PPP2R2B: variants seen among roughly 807,000 people sequenced by gnomAD.
The protein encoded by PPP2R2B is serine/threonine-protein phosphatase 2A 55 kDa regulatory subunit B beta isoform.
In PPP2R2B, 5 loss-of-function variants were observed where a neutral mutation model predicts 46.0. That is an observed-to-expected ratio of 0.11 (90% CI 0.06 to 0.23). The LOEUF (loss-of-function observed/expected upper bound fraction) is 0.23. Among genes scored for constraint, PPP2R2B ranks in the 10% least tolerant of loss-of-function variants. The pLI, the probability that PPP2R2B is intolerant of heterozygous loss-of-function variation, is 1.00. For missense variants in PPP2R2B, 367 were observed against 575.0 expected, an observed-to-expected ratio of 0.64 and a Z score of 3.70; for synonymous variants, 215 against 206.7, an observed-to-expected ratio of 1.04 and a Z score of -0.34.
chr5:147,045,995 G>T (rs531199309), intron 1 of PPP2R2B, among the ~76,000 whole-genome samples: 1 of 152,138 alleles, frequency 6.6e-6, no homozygotes, highest in South Asian at 2.1e-4. Flanking sequence ...ATAAAGCCTC[G>T]TTAGATCTTG....
At chr5:146,777,658 A>G (rs1025337102) in intron 2 of PPP2R2B, among the ~76,000 whole-genome samples, 1 of 152,198 alleles carries the variant, frequency 6.6e-6, no homozygotes, top group African/African-American at 2.4e-5. Flanking sequence ...GTAAATTAAG[A>G]AGTCTATTAT....
chr5:146,967,743 T>C (rs1245441597), intron 1 of PPP2R2B, among the ~76,000 whole-genome samples: 1 of 152,154 alleles, frequency 6.6e-6, no homozygotes, highest in Non-Finnish European at 1.5e-5. Context: ...CCAGGCATCC[T>C]GCAGCTAGCC....
At chr5:146,945,993 G>A (rs566605363) in intron 1 of PPP2R2B, among the ~76,000 whole-genome samples, 1 of 152,200 alleles carries the variant, frequency 6.6e-6, no homozygotes, top group South Asian at 2.1e-4. Context: ...TGTGACCAGA[G>A]GCTGAGTGAG....
intron 1 of PPP2R2B, among the ~76,000 whole-genome samples, chr5:146,901,613 G>A (rs555576084): frequency 6.6e-6 from 1 of 151,970 alleles, no homozygotes; most frequent in Non-Finnish European, 1.5e-5. Flanking sequence ...TTATACCTGA[G>A]GTCCTAGATG....
At chr5:146,940,995 G>A (rs955007460) in intron 1 of PPP2R2B, among the ~76,000 whole-genome samples, 11 of 152,094 alleles carry the variant, frequency 7.2e-5, no homozygotes, top group African/African-American at 2.4e-4. Context: ...TTTGTCCACC[G>A]CTGGTGCATT....
rs1774960669 is a variant in PPP2R2B at position 146,638,342 on chromosome 5, A to G, written c.699T>C (p.His233=). 6.2e-7 allele frequency: 1 copy of G among 1,613,710 alleles called. No homozygotes were observed. Among genetic ancestry groups the G allele is most frequent in the Non-Finnish European group, 8.5e-7 (1 of 1,179,668 alleles). The part of the protein sequence containing the change: ...EVITAAEFHP[H]HCNTFVYSSS... ...TGCTGTACACGAAGGTGTTGCAATG[A>G]TGGGGGTGGAACTCGGCTGCTGTGA... The change falls in exon 7 of 10, where the codon CAT becomes CAC. Residue 233 remains histidine (H), a synonymous_variant. Transcript: ENST00000394411.
intron 1 of PPP2R2B, among the ~76,000 whole-genome samples, chr5:146,970,355 T>A (rs984894093): frequency 6.6e-6 from 1 of 151,474 alleles, no homozygotes; most frequent in Admixed American, 6.6e-5. Flanking sequence ...AATCCCAGCA[T>A]TTTGGGAGGC....
At position 146,899,535 on chromosome 5, in the gene PPP2R2B, T is replaced by A. The variant is rs1427695267; in HGVS notation, c.79+156130A>T. Among the ~76,000 whole-genome samples, 55 of 150,192 alleles carry A rather than the reference T, an allele frequency of 3.7e-4. 1 individual carries two copies. The highest frequency in any genetic ancestry group is 3.6e-3 in the Admixed American group (55 of 15,078). Reference sequence around the variant, plus strand: ...ATATACCTAATGCTAAATGATGAGTTAATGGGTGCAGCACACCAGCATGGA... The same window carrying A: ...ATATACCTAATGCTAAATGATGAGTAAATGGGTGCAGCACACCAGCATGGA... On this transcript the variant is annotated intron_variant, in intron 1 of 8. Transcript: ENST00000336640.
At chr5:146,799,725 T>C (rs1756753849) in intron 2 of PPP2R2B, among the ~76,000 whole-genome samples, 1 of 152,232 alleles carries the variant, frequency 6.6e-6, no homozygotes, top group African/African-American at 2.4e-5. Flanking sequence ...ATGACTATGA[T>C]TGTAATTTCT....
chr5:146,673,961 T>A (rs1254536780), intron 5 of PPP2R2B, among the ~76,000 whole-genome samples: 1 of 152,228 alleles, frequency 6.6e-6, no homozygotes. Context: ...GTCTTACATG[T>A]TGAGGTCAGT....
At chr5:146,808,994 TGC>T (rs1412776680) in intron 2 of PPP2R2B, among the ~76,000 whole-genome samples, 2 of 134,398 alleles carry the variant, frequency 1.5e-5, no homozygotes, top group African/African-American at 5.3e-5. Flanking sequence ...TGTGTGTGTG[TGC>T]GCGCGCACCC....
At chr5:146,592,615 C>T (rs189255994) in intron 9 of PPP2R2B, among the ~76,000 whole-genome samples, 12 of 152,334 alleles carry the variant, frequency 7.9e-5, no homozygotes, top group Admixed American at 5.9e-4. Flanking sequence ...ATCTGGAAAG[C>T]CTACTTGGCA....
chr5:146,814,265 T>C (rs867556348), intron 2 of PPP2R2B, among the ~76,000 whole-genome samples: 1 of 151,966 alleles, frequency 6.6e-6, no homozygotes, highest in Non-Finnish European at 1.5e-5. Context: ...GTTAGTTTTC[T>C]AATTTGCCAT....
chr5:146,721,842 T>C lies in PPP2R2B; in HGVS notation c.71-20700A>G, dbSNP rs146143537. ...GCAACAACCTTGCAGGATAGGTAGG[T>C]ACTGCTCTCCCATTCTCATAGATGG... On this transcript the variant is annotated intron_variant, in intron 2 of 9. Transcript: ENST00000394411. Among the ~76,000 whole-genome samples the C allele has an allele frequency of 1.7e-3, 263 of 152,350 alleles. 1 individual carries two copies. Among genetic ancestry groups the C allele is most frequent in the African/African-American group, 5.8e-3 (243 of 41,586 alleles).
chr5:146,762,178 A>G (rs548570584), intron 2 of PPP2R2B, among the ~76,000 whole-genome samples: 41 of 152,376 alleles, frequency 2.7e-4, no homozygotes, highest in African/African-American at 9.4e-4. Context: ...TAAAGAAAAA[A>G]GTTACTGATA....
chr5:146,670,686 G>A (rs11958882), intron 5 of PPP2R2B, among the ~76,000 whole-genome samples: 24,575 of 151,712 alleles, frequency 0.16, 2,302 homozygotes, highest in East Asian at 0.36. Flanking sequence ...AGTGGAGACG[G>A]GGTTTCATCA....
intron 5 of PPP2R2B, among the ~76,000 whole-genome samples, chr5:146,687,487 T>C (rs963434909): frequency 1.3e-5 from 2 of 152,082 alleles, no homozygotes; most frequent in African/African-American, 2.4e-5. Flanking sequence ...AAATGATCAA[T>C]AAGTGCTAGA....
chr5:146,590,126 G>T lies in PPP2R2B; in HGVS notation c.1153C>A (p.Arg385=). 6.2e-7 allele frequency: 1 copy of T among 1,613,346 alleles called. No homozygotes were observed. The highest frequency in any genetic ancestry group is 8.5e-7 in the Non-Finnish European group (1 of 1,180,002). ...ACTTTTCGGGGTTTGAGGATAGCCC[G>T]GGGCTTGCTGTTTTCCCTCGAAGCC... ...LEASRENSKP[R]AILKPRKVCV... Residue 385 remains arginine (R), a synonymous_variant, in exon 10 of 10, where the codon CGG becomes AGG. Transcript: ENST00000394411.
At chr5:146,743,123 T>C (rs141905659) in intron 2 of PPP2R2B, among the ~76,000 whole-genome samples, 147 of 152,300 alleles carry the variant, frequency 9.7e-4, no homozygotes, top group African/African-American at 3.5e-3. Context: ...AATATAGTAA[T>C]ACACAAACCA....
Sources: allele counts gnomAD v4.1 joint callset (sites outside exome capture counted in the v4.1 genomes callset), GRCh38; gene constraint gnomAD v4.1.1; transcripts MANE v1.5; gene names NCBI Gene and HGNC (gene_info 2026-07-23, HGNC 2026-07-21).